MYO9B: variants seen among roughly 807,000 people sequenced by gnomAD.
MYO9B encodes myosin IXB.
In MYO9B, 71 loss-of-function variants were observed where a neutral mutation model predicts 229.5. That is an observed-to-expected ratio of 0.31 (90% confidence interval 0.26 to 0.38). MYO9B has a LOEUF of 0.38. Among genes scored for constraint, MYO9B ranks in the 10% least tolerant of loss-of-function variants. The pLI, the probability that MYO9B is intolerant of heterozygous loss-of-function variation, is 1.00. For missense variants in MYO9B, 2,255 were observed against 2,920.5 expected (o/e 0.77, Z 5.25); for synonymous variants, 1,185 against 1,235.8 (o/e 0.96, Z 0.86).
At chr19:17,092,499 C>T (rs1197034497) in intron 1 of MYO9B, among the ~76,000 whole-genome samples, 1 of 152,024 alleles carries the variant, frequency 6.6e-6, no homozygotes, top group Non-Finnish European at 1.5e-5. Flanking sequence ...GGCGAGGCGG[C>T]TGGATCACTT....
chr19:17,204,243 C>T (rs1051765213), intron 30 of MYO9B, among the ~76,000 whole-genome samples: 4 of 151,876 alleles, frequency 2.6e-5, no homozygotes, highest in African/African-American at 9.7e-5. Flanking sequence ...CTCTGCAAGG[C>T]GTCAGCTGGG....
chr19:17,119,945 G>C (rs1044252139), intron 2 of MYO9B, among the ~76,000 whole-genome samples: 1 of 152,116 alleles, frequency 6.6e-6, no homozygotes, highest in African/African-American at 2.4e-5. Context: ...ATTGCGCCCG[G>C]CCAAGCTCGG....
Position 17,206,277 on chromosome 19 carries a change from C to A in MYO9B, c.5287C>A (p.Pro1763Thr). The change falls in exon 33 of 40, where the codon CCC becomes ACC. Residue 1763 changes from proline to threonine, a missense_variant. This residue lies in a region of MYO9B where 416 missense variants were observed against 605.5 expected (regional missense o/e 0.69). Transcript: ENST00000682292. ...CGCAGCAGTCAAGCTGGAGAACTTC[C>A]CCATCCACGCCATCACAGGGGTGCT... Reference protein sequence around the residue: ...DPAAVKLENFPIHAITGVLKQ... With the variant: ...DPAAVKLENFTIHAITGVLKQ... 6.6e-7 allele frequency: 1 copy of A among 1,512,136 alleles called. No homozygotes were observed. Among genetic ancestry groups the A allele is most frequent in the Non-Finnish European group, 8.9e-7 (1 of 1,119,558 alleles). The allele number at this position is 1,512,136 out of a possible 1,614,324, so 93.7% of individuals were successfully genotyped here.
chr19:17,159,233 G>A (rs1055411922), intron 7 of MYO9B, among the ~76,000 whole-genome samples, 162 bp from the exon 8 acceptor site: 9 of 150,596 alleles, frequency 6.0e-5, no homozygotes, highest in African/African-American at 1.2e-4. Context: ...CCAGCACATC[G>A]CGGGTGGGTG....
At chr19:17,211,497 A>C in intron 38 of MYO9B, 150 bp from the exon 39 acceptor site, 1 of 763,282 alleles carries the variant, frequency 1.3e-6, no homozygotes, top group Non-Finnish European at 2.0e-6. Flanking sequence ...CTGGGTTCAA[A>C]CTCCTGGGCT....
At chr19:17,201,524 C>A (rs1236268848) in intron 26 of MYO9B, among the ~76,000 whole-genome samples, 2 of 152,108 alleles carry the variant, frequency 1.3e-5, no homozygotes, top group African/African-American at 4.8e-5. Flanking sequence ...GTGTTGAGCC[C>A]CTGTGTGGGG....
intron 8 of MYO9B, 40 bp from the exon 9 acceptor site, chr19:17,162,310 C>G: frequency 6.7e-7 from 1 of 1,502,180 alleles, no homozygotes; most frequent in Non-Finnish European, 9.0e-7. Flanking sequence ...AGCGCAGGGC[C>G]TGCCGTGCCG....
chr19:17,174,574 T>C (rs1317219472), intron 13 of MYO9B, among the ~76,000 whole-genome samples: 1 of 151,752 alleles, frequency 6.6e-6, no homozygotes, highest in African/African-American at 2.4e-5. Flanking sequence ...GAGGCGGAGG[T>C]TGCAGTGAGC....
intron 26 of MYO9B, among the ~76,000 whole-genome samples, chr19:17,201,033 G>A (rs1049183853): frequency 3.3e-5 from 5 of 152,214 alleles, no homozygotes; most frequent in African/African-American, 4.8e-5. Context: ...GGGCCCAGCA[G>A]TTCAAAACCA....
At chr19:17,110,513 CG>C (rs1168777490) in intron 2 of MYO9B, among the ~76,000 whole-genome samples, 1 of 152,236 alleles carries the variant, frequency 6.6e-6, no homozygotes, top group East Asian at 1.9e-4. Flanking sequence ...GCACTCGCCT[CG>C]GTGCCCTTCT....
chr19:17,159,630 C>G, intron 8 of MYO9B, 146 bp downstream of exon 8: 1 of 788,344 alleles, frequency 1.3e-6, no homozygotes, highest in Admixed American at 2.3e-5. Context: ...CATGCAAGCT[C>G]AGGTGTGGCA....
Position 17,207,182 on chromosome 19 carries a change from C to T in MYO9B, c.5562C>T (p.Leu1854=). Reference sequence around the variant, plus strand: ...TGGCCATTATCTTCGCACCCTGCCTCCTGCGCTGCCCTGACAACTCGGACC... The same window carrying T: ...TGGCCATTATCTTCGCACCCTGCCTTCTGCGCTGCCCTGACAACTCGGACC... ...GALAIIFAPC[L]LRCPDNSDPL... The change falls in exon 35 of 40, where the codon CTC becomes CTT. Residue 1854 remains leucine (L), a synonymous_variant. Transcript: ENST00000682292. The T allele has an allele frequency of 4.4e-6, 7 of 1,604,144 alleles. No individual in the cohort carries two copies. Among genetic ancestry groups the T allele is most frequent in the Non-Finnish European group, 6.0e-6 (7 of 1,176,288 alleles).
In MYO9B at chr19:17,168,032, G is replaced by A. The variant is rs200288190; in HGVS notation, c.1761G>A (p.Thr587=). 123 of 1,612,464 alleles carry A rather than the reference G, an allele frequency of 7.6e-5. No individual in the cohort carries two copies. Among genetic ancestry groups the A allele is most frequent in the Non-Finnish European group, 9.1e-5 (107 of 1,179,388 alleles). ...TCCATCTCATCAGCAAGAAACCCACGGGCCTCTTCTACCTGCTGGACGAGG... is the reference window on the plus strand; with the variant it reads ...TCCATCTCATCAGCAAGAAACCCACAGGCCTCTTCTACCTGCTGGACGAGG... ...GCIHLISKKP[T]GLFYLLDEES... is the part of the protein sequence containing the mutation. The change falls in exon 11 of 40, where the codon ACG becomes ACA. Residue 587 remains threonine, a synonymous_variant. Transcript: ENST00000682292.
chr19:17,158,602 A>G (rs2072562636), intron 7 of MYO9B, among the ~76,000 whole-genome samples: 1 of 151,916 alleles, frequency 6.6e-6, no homozygotes, highest in African/African-American at 2.4e-5. Flanking sequence ...CTAAAAAAAA[A>G]AAAAAGGAGA....
Position 17,212,038 on chromosome 19 carries a change from G to A in MYO9B, c.6202G>A (p.Ala2068Thr), listed in dbSNP as rs948998087. 6.2e-7 allele frequency: 1 copy of A among 1,608,738 alleles called. No homozygotes were observed. ...CCGGCGGACCCCCATCATGCCCACG[G>A]CCAACATCAAGCTCCCACCAGGCCT... ...TPRRTPIMPTANIKLPPGLPS... is the reference protein window; with the variant it reads ...TPRRTPIMPTTNIKLPPGLPS... Residue 2068 changes from alanine to threonine, a missense_variant, in exon 40 of 40, where the codon GCC (alanine) becomes ACC (threonine). Ala to Thr is a moderately conservative substitution (Grantham distance 58). Coordinates refer to ENST00000682292, the MANE Select transcript of MYO9B (RefSeq NM_004145.4). This position sits in a 1 kb window ranked among gnomAD's most constrained non-coding sequence, Gnocchi z 5.4.
chr19:17,091,934 C>T (rs1158124652), intron 1 of MYO9B, among the ~76,000 whole-genome samples: 1 of 152,194 alleles, frequency 6.6e-6, no homozygotes, highest in Non-Finnish European at 1.5e-5. Flanking sequence ...GCCCCGCACA[C>T]CAGGGGCCCA....
chr19:17,207,085 C>T (rs751300356), intron 34 of MYO9B, 28 bp from the exon 35 acceptor site: 1 of 1,609,112 alleles, frequency 6.2e-7, no homozygotes, highest in Non-Finnish European at 8.5e-7. Flanking sequence ...CGGCCCTAGC[C>T]ATCCTCTAAC....
At position 17,077,702 on chromosome 19, in the gene MYO9B, C is replaced by T. The variant is rs151122981; in HGVS notation, c.-59+1828C>T. Reference sequence around the variant, plus strand: ...CTTGAAACCCAACTCTTCTCATCACCGTCTTGTCTCCAGTCCATGTCCCCC... The same window carrying T: ...CTTGAAACCCAACTCTTCTCATCACTGTCTTGTCTCCAGTCCATGTCCCCC... On this transcript the variant is annotated intron_variant, in intron 1 of 39. Transcript: ENST00000682292. Among the ~76,000 whole-genome samples, 21 of 152,280 alleles carry T rather than the reference C, an allele frequency of 1.4e-4. No homozygotes were observed. The East Asian group carries it at 3.3e-3, about 24-fold the overall frequency.
At chr19:17,188,993 C>CA (rs34367144) in intron 19 of MYO9B, among the ~76,000 whole-genome samples, 8,419 of 126,250 alleles carry the variant, frequency 0.067, 459 homozygotes, top group African/African-American at 0.16. Context: ...ACTAAAAATA[C>CA]AAAAAAAAAA....
Sources: gnomAD v4.1 joint callset for allele counts (sites outside exome capture counted in the v4.1 genomes callset) on GRCh38, gnomAD v4.1.1 for gene constraint, gnomAD v4.1.1 regional missense constraint, Gnocchi (gnomAD v3.1) non-coding constraint, MANE v1.5 for transcripts, NCBI Gene and HGNC (gene_info 2026-07-23, HGNC 2026-07-21) for gene names.